NKAIN3: variants seen among roughly 807,000 people sequenced by gnomAD.
The protein encoded by NKAIN3 is sodium/potassium-transporting ATPase subunit beta-1-interacting protein 3.
NKAIN3 carries 25 observed loss-of-function variants against 30.2 expected under a neutral mutation model. That is an observed-to-expected ratio of 0.83 (90% CI 0.60 to 1.16). The LOEUF is 1.16. Among genes scored for constraint, NKAIN3 ranks in the 50% most tolerant of loss-of-function variants. NKAIN3 has a pLI of 0.00. For missense variants in NKAIN3, 225 were observed against 254.1 expected (o/e 0.89, Z 0.78); for synonymous variants, 91 against 89.6 (o/e 1.02, Z -0.09).
chr8:62,633,437 T>C (rs1812029557), intron 3 of NKAIN3, among the ~76,000 whole-genome samples: 1 of 152,166 alleles, frequency 6.6e-6, no homozygotes, highest in Admixed American at 6.5e-5. Flanking sequence ...AAGTCACATG[T>C]TTCTGCATTG....
chr8:62,945,669 C>T (rs186695182), intron 5 of NKAIN3, among the ~76,000 whole-genome samples: 1 of 152,132 alleles, frequency 6.6e-6, no homozygotes, highest in Non-Finnish European at 1.5e-5. Flanking sequence ...GCCTACACAC[C>T]ATTTAGGAGG....
intron 3 of NKAIN3, among the ~76,000 whole-genome samples, chr8:62,699,725 C>T (rs1421242939): frequency 6.6e-6 from 1 of 152,176 alleles, no homozygotes; most frequent in Non-Finnish European, 1.5e-5. Flanking sequence ...TAGTCTTGAA[C>T]TGTAGCCTGT....
intron 3 of NKAIN3, among the ~76,000 whole-genome samples, chr8:62,690,567 T>C (rs1465078019): frequency 6.6e-6 from 1 of 152,230 alleles, no homozygotes. Flanking sequence ...CGTGGAAGTT[T>C]CTGTCTCTGC....
intron 6 of NKAIN3, among the ~76,000 whole-genome samples, chr8:62,954,308 G>A (rs1402464869): frequency 2.6e-5 from 4 of 152,124 alleles, no homozygotes; most frequent in African/African-American, 9.7e-5. Flanking sequence ...AAGTAAAAAG[G>A]GGAGAAAGAC....
Position 62,984,753 on chromosome 8 carries a change from T to C in NKAIN3, c.*19346T>C, listed in dbSNP as rs1436955846. The C allele has an allele frequency of 6.6e-6, 1 of 152,240 alleles. No homozygotes were observed. The highest frequency in any genetic ancestry group is 2.4e-5 in the African/African-American group (1 of 41,464). 9.4% of individuals were successfully genotyped at this position (152,240 alleles called of 1,614,324 possible). On this transcript the variant is annotated 3_prime_UTR_variant, in exon 7 of 7. Transcript: ENST00000623646. ...ATATAATGCCTGTATATTATACTCA[T>C]ATTTGAAAGTGATCAGAAAGTGTTA...
chr8:62,260,281 G>A (rs1176266134), intron 1 of NKAIN3, among the ~76,000 whole-genome samples: 5 of 151,986 alleles, frequency 3.3e-5, no homozygotes, highest in Non-Finnish European at 7.4e-5. Flanking sequence ...GTTAATTAAG[G>A]TACAAACAGG....
chr8:62,805,674 T>C lies in NKAIN3; in HGVS notation c.471+58545T>C, dbSNP rs189067680. Reference sequence around the variant, plus strand: ...ATTCACGATGGATTAAAGACTTACATGTTAGACCTAAAACCATAAAATCCC... The same window carrying C: ...ATTCACGATGGATTAAAGACTTACACGTTAGACCTAAAACCATAAAATCCC... On this transcript the variant is annotated intron_variant, in intron 4 of 6. Coordinates refer to ENST00000623646, the MANE Select transcript of NKAIN3 (RefSeq NM_001304533.3). 2.8e-3 allele frequency among the ~76,000 whole-genome samples: 419 copies of C among 152,308 alleles called. 3 individuals are homozygous for C. Among genetic ancestry groups the C allele is most frequent in the African/African-American group, 9.7e-3 (404 of 41,560 alleles).
At chr8:62,607,026 C>G (rs1327663614) in intron 3 of NKAIN3, among the ~76,000 whole-genome samples, 1 of 152,106 alleles carries the variant, frequency 6.6e-6, no homozygotes, top group African/African-American at 2.4e-5. Flanking sequence ...TCAGAAGAGC[C>G]TAGACATTGG....
At position 62,980,623 on chromosome 8, in the gene NKAIN3, T is replaced by G. The variant is rs1243597097; in HGVS notation, c.*15216T>G. On this transcript the variant is annotated 3_prime_UTR_variant, in exon 7 of 7. Coordinates refer to ENST00000623646, the MANE Select transcript of NKAIN3 (RefSeq NM_001304533.3). ...TAACCCATTTCTTCTACTAATATCT[T>G]TTAATATTTATGCTATTATATAGCT... 6.6e-6 allele frequency: 1 copy of G among 152,192 alleles called. No homozygotes were observed. The highest frequency in any genetic ancestry group is 1.9e-4 in the East Asian group (1 of 5,190). The allele number at this position is 152,192 out of a possible 1,614,324, so 9.4% of individuals were successfully genotyped here.
intron 4 of NKAIN3, among the ~76,000 whole-genome samples, chr8:62,832,518 A>G (rs1483772445): frequency 6.7e-6 from 1 of 148,830 alleles, no homozygotes; most frequent in Non-Finnish European, 1.5e-5. Flanking sequence ...ACTCACATGT[A>G]ACAACACTCA....
At chr8:62,430,153 A>G (rs2129597407) in intron 1 of NKAIN3, among the ~76,000 whole-genome samples, 1 of 151,944 alleles carries the variant, frequency 6.6e-6, no homozygotes, top group Non-Finnish European at 1.5e-5. Context: ...CTCAAAGCTC[A>G]TCCATGCTGT....
chr8:62,346,502 T>C (rs1335743341), intron 1 of NKAIN3, among the ~76,000 whole-genome samples: 3 of 152,116 alleles, frequency 2.0e-5, no homozygotes, highest in Admixed American at 2.0e-4. Flanking sequence ...TGCATTAAAA[T>C]GATCTTGGAA....
chr8:62,805,613 A>C (rs1818250648), intron 4 of NKAIN3, among the ~76,000 whole-genome samples: 2 of 152,182 alleles, frequency 1.3e-5, no homozygotes, highest in Non-Finnish European at 2.9e-5. Flanking sequence ...AGAAAGCTGA[A>C]ACTGGATCCC....
chr8:62,865,954 T>C (rs1400545405), intron 4 of NKAIN3, among the ~76,000 whole-genome samples: 1 of 152,070 alleles, frequency 6.6e-6, no homozygotes, highest in Admixed American at 6.5e-5. Flanking sequence ...TCCTTTCACA[T>C]TGGATTTTTA....
chr8:62,448,994 C>A lies in NKAIN3; in HGVS notation c.55-130545C>A, dbSNP rs150738342. ...AGGATTTCCAAGCTATGTTGTTTGC[C>A]TTTCTCTTTTTGTAGGTCTTATACT... On this transcript the variant is annotated intron_variant, in intron 1 of 6. Transcript: ENST00000623646. Among the ~76,000 whole-genome samples the A allele has an allele frequency of 4.4e-3, 663 of 151,892 alleles. 6 individuals carry two copies. The highest frequency in any genetic ancestry group is 0.015 in the African/African-American group (626 of 41,494).
At chr8:62,680,365 T>G (rs2130415481) in intron 3 of NKAIN3, among the ~76,000 whole-genome samples, 1 of 152,092 alleles carries the variant, frequency 6.6e-6, no homozygotes, top group Non-Finnish European at 1.5e-5. Flanking sequence ...TGCAGAGCTG[T>G]GAGATAGTAA....
intron 4 of NKAIN3, among the ~76,000 whole-genome samples, chr8:62,915,291 G>C (rs1822058317): frequency 6.6e-6 from 1 of 152,180 alleles, no homozygotes; most frequent in African/African-American, 2.4e-5. Flanking sequence ...ATAATCATGT[G>C]ACCTTAACAT....
chr8:62,501,940 A>G (rs949292260), intron 1 of NKAIN3, among the ~76,000 whole-genome samples: 9 of 152,182 alleles, frequency 5.9e-5, no homozygotes, highest in Non-Finnish European at 1.5e-5. Context: ...TTTAAATACC[A>G]ACAGAACCTA....
At chr8:62,985,851 A>G (rs2130928814), downstream of NKAIN3, among the ~76,000 whole-genome samples, 1 of 152,312 alleles carries the variant, frequency 6.6e-6, no homozygotes, top group South Asian at 2.1e-4. Flanking sequence ...AAAAGGAAGC[A>G]GGGAGGCTTG....
Sources: gnomAD v4.1 joint callset for allele counts (sites outside exome capture counted in the v4.1 genomes callset) on GRCh38, gnomAD v4.1.1 for gene constraint, MANE v1.5 for transcripts, NCBI Gene and HGNC (gene_info 2026-07-23, HGNC 2026-07-21) for gene names.